The following MPP7 variants were observed in gnomAD, a reference collection of about 807,000 sequenced individuals.
MPP7 encodes MAGUK p55 scaffold protein 7, also known as MAGUK p55 subfamily member 7.
MPP7 carries 60 observed loss-of-function variants against 76.5 expected under a neutral mutation model. The observed-to-expected ratio is 0.78, with a 90% CI of 0.64 to 0.97. The LOEUF (loss-of-function observed/expected upper bound fraction) is 0.97, where lower values mean the gene tolerates loss of function less well. Among genes scored for constraint, MPP7 ranks in the 50% least tolerant of loss-of-function variants. The pLI is 0.00. For missense variants in MPP7, 641 were observed against 694.0 expected (o/e 0.92, Z 0.86); for synonymous variants, 237 against 244.5 (o/e 0.97, Z 0.29).
intron 1 of MPP7, among the ~76,000 whole-genome samples, chr10:28,240,518 T>A (rs1224416902): frequency 6.6e-6 from 1 of 152,150 alleles, no homozygotes; most frequent in Non-Finnish European, 1.5e-5. Context: ...AGTTAAAACA[T>A]GCATACAAAT....
At chr10:28,290,286 CTTTT>C (rs57836658) in intron 1 of MPP7, among the ~76,000 whole-genome samples, 3 of 131,850 alleles carry the variant, frequency 2.3e-5, no homozygotes, top group Non-Finnish European at 4.9e-5. Flanking sequence ...TTTTACTTTC[CTTTT>C]TTTTTTTTTT....
intron 6 of MPP7, among the ~76,000 whole-genome samples, chr10:28,127,957 G>A (rs1835072223): frequency 6.6e-6 from 1 of 152,200 alleles, no homozygotes; most frequent in Non-Finnish European, 1.5e-5. Context: ...GGTGCCAAGG[G>A]GAAGGCTGTG....
intron 2 of MPP7, among the ~76,000 whole-genome samples, chr10:28,313,785 C>G (rs1218052360): frequency 2.7e-5 from 4 of 150,164 alleles, no homozygotes; most frequent in Admixed American, 1.3e-4. Flanking sequence ...TTCCTGGGTT[C>G]TGTTGATCTT....
intron 11 of MPP7, among the ~76,000 whole-genome samples, chr10:28,110,088 TTC>T (rs984024080): frequency 2.0e-5 from 3 of 151,326 alleles, no homozygotes; most frequent in Admixed American, 6.6e-5. Flanking sequence ...TTCTTCTTTT[TTC>T]TTTTTTCTTT....
intron 2 of MPP7, among the ~76,000 whole-genome samples, chr10:28,211,115 T>C (rs1177762032): frequency 1.3e-5 from 2 of 152,058 alleles, no homozygotes; most frequent in Non-Finnish European, 2.9e-5. Flanking sequence ...TTCTTTTTTT[T>C]TTAGATGAGG....
In MPP7 at chr10:28,053,900, G is replaced by A. The variant is rs117818385; in HGVS notation, c.*165C>T. ...TTCGGATCTTATACTAACACATGGC[G>A]TTTGAAATAAGGCTGTAAAAAGATA... On this transcript the variant is annotated 3_prime_UTR_variant, in exon 17 of 17. Transcript: ENST00000683449. 11,116 of 630,918 alleles carry A rather than the reference G, an allele frequency of 0.018. 150 individuals carry two copies. The highest frequency in any genetic ancestry group is 0.022 in the Non-Finnish European group (8,127 of 361,304). 39.1% of individuals were successfully genotyped at this position (630,918 alleles called of 1,614,324 possible).
At chr10:28,276,277 C>T (rs994296764) in intron 1 of MPP7, among the ~76,000 whole-genome samples, 1 of 151,628 alleles carries the variant, frequency 6.6e-6, no homozygotes, top group Non-Finnish European at 1.5e-5. Flanking sequence ...GTGATCCACC[C>T]GCCTCGGCCT....
chr10:28,055,110 G>T (rs1307447586), intron 16 of MPP7, among the ~76,000 whole-genome samples: 1 of 152,184 alleles, frequency 6.6e-6, no homozygotes, highest in African/African-American at 2.4e-5. Flanking sequence ...AAGAATATGT[G>T]ATCCTTTCTT....
chr10:28,072,028 C>T (rs1387152377), intron 12 of MPP7, among the ~76,000 whole-genome samples: 1 of 152,174 alleles, frequency 6.6e-6, no homozygotes, highest in Non-Finnish European at 1.5e-5. Context: ...AATCCCAACA[C>T]TTTGGGAGGC....
At chr10:28,331,558 G>C (rs1834469995) in intron 1 of MPP7, among the ~76,000 whole-genome samples, 1 of 152,034 alleles carries the variant, frequency 6.6e-6, no homozygotes, top group Non-Finnish European at 1.5e-5. Context: ...TCAGTTTGTA[G>C]GGTTTTTAAA....
At chr10:28,201,257 T>C (rs1486589433) in intron 3 of MPP7, among the ~76,000 whole-genome samples, 1 of 152,206 alleles carries the variant, frequency 6.6e-6, no homozygotes, top group Admixed American at 6.5e-5. Flanking sequence ...GGAATTCTGT[T>C]CTGAAAAGCA....
chr10:28,207,632 G>A (rs1280200178), intron 2 of MPP7, among the ~76,000 whole-genome samples: 1 of 151,630 alleles, frequency 6.6e-6, no homozygotes, highest in Non-Finnish European at 1.5e-5. Flanking sequence ...CTGCAGTGGT[G>A]TGGTGACTAT....
At chr10:28,105,028 T>C (rs117352379) in intron 11 of MPP7, among the ~76,000 whole-genome samples, 1,857 of 151,834 alleles carry the variant, frequency 0.012, 51 homozygotes, top group East Asian at 0.11. Context: ...ATAGCTGTAC[T>C]CTATAATCCC....
At chr10:28,163,659 A>G (rs1015007806) in intron 3 of MPP7, among the ~76,000 whole-genome samples, 7 of 152,152 alleles carry the variant, frequency 4.6e-5, no homozygotes, top group African/African-American at 1.7e-4. Flanking sequence ...AATGAGTACT[A>G]TATTTTGGCC....
chr10:28,309,878 T>A (rs1841279892), intron 2 of MPP7, among the ~76,000 whole-genome samples: 1 of 151,522 alleles, frequency 6.6e-6, no homozygotes, highest in Non-Finnish European at 1.5e-5. Context: ...CATCACATGA[T>A]ATGCCTGATC....
At chr10:28,253,203 G>A (rs1269355901) in intron 1 of MPP7, among the ~76,000 whole-genome samples, 1 of 152,026 alleles carries the variant, frequency 6.6e-6, no homozygotes, top group African/African-American at 2.4e-5. Flanking sequence ...ACGATACCCG[G>A]CCTCATCTGC....
chr10:28,234,408 C>T (rs965833095), intron 2 of MPP7, among the ~76,000 whole-genome samples: 1 of 152,096 alleles, frequency 6.6e-6, no homozygotes, highest in Non-Finnish European at 1.5e-5. Context: ...ATTTAGATAG[C>T]TCCTTTACCC....
intron 12 of MPP7, among the ~76,000 whole-genome samples, chr10:28,087,856 G>A (rs1853096137): frequency 6.6e-6 from 1 of 152,144 alleles, no homozygotes; most frequent in South Asian, 2.1e-4. Context: ...ATTGAGCTGG[G>A]AAATGCATGT....
intron 3 of MPP7, among the ~76,000 whole-genome samples, chr10:28,197,750 T>C (rs1381355287): frequency 1.3e-5 from 2 of 152,194 alleles, no homozygotes; most frequent in African/African-American, 4.8e-5. Flanking sequence ...GCATAGAGTA[T>C]GTACCCAACA....
Sources: allele counts gnomAD v4.1 joint callset (sites outside exome capture counted in the v4.1 genomes callset), GRCh38; gene constraint gnomAD v4.1.1; transcripts MANE v1.5; gene names NCBI Gene and HGNC (gene_info 2026-07-23, HGNC 2026-07-21).